The following CACNB2 variants were observed in gnomAD, a reference collection of about 807,000 sequenced individuals.
The protein encoded by CACNB2 is calcium voltage-gated channel auxiliary subunit beta 2, also known as voltage-dependent L-type calcium channel subunit beta-2.
Under a neutral mutation model 73.3 loss-of-function variants are expected in CACNB2, and 42 were observed. That is an observed-to-expected ratio of 0.57 (90% CI 0.45 to 0.74). The LOEUF (loss-of-function observed/expected upper bound fraction) is 0.74. Among genes scored for constraint, CACNB2 ranks in the 30% least tolerant of loss-of-function variants. The pLI is 0.00. For synonymous variants in CACNB2, 348 were observed against 310.3 expected, an observed-to-expected ratio of 1.12 and a Z score of -1.28; for missense variants, 940 against 853.0, an observed-to-expected ratio of 1.10 and a Z score of -1.27.
intron 2 of CACNB2, among the ~76,000 whole-genome samples, chr10:18,337,622 T>G (rs961152117): frequency 2.6e-5 from 4 of 152,174 alleles, no homozygotes; most frequent in African/African-American, 9.7e-5. Context: ...GATCTAGTTT[T>G]GAAAACATAT....
intron 10 of CACNB2, 134 bp downstream of exon 10, chr10:18,527,831 G>T: frequency 4.3e-6 from 3 of 700,802 alleles, no homozygotes. Context: ...AGTCGCTGTT[G>T]CTATGGTCTT....
chr10:18,201,068 C>T (rs1375263687), intron 2 of CACNB2, among the ~76,000 whole-genome samples: 1 of 152,076 alleles, frequency 6.6e-6, no homozygotes, highest in African/African-American at 2.4e-5. Flanking sequence ...CATTTTAATG[C>T]CCCTCTAGGA....
intron 3 of CACNB2, among the ~76,000 whole-genome samples, chr10:18,497,323 C>A (rs1463901749): frequency 1.3e-5 from 2 of 152,032 alleles, no homozygotes; most frequent in African/African-American, 2.4e-5. Flanking sequence ...ACCATTTTCA[C>A]CATTTCTGAG....
intron 2 of CACNB2, chr10:18,151,273 G>GTTTT: frequency 1.5e-5 from 3 of 198,214 alleles, no homozygotes; most frequent in South Asian, 8.9e-5. Flanking sequence ...TGGGGGGATT[G>GTTTT]TTTTTTTTTT....
intron 2 of CACNB2, among the ~76,000 whole-genome samples, chr10:18,365,559 A>C (rs567680002): frequency 6.6e-6 from 1 of 152,236 alleles, no homozygotes; most frequent in Admixed American, 6.5e-5. Context: ...AATTATTTCT[A>C]ATTAAAACAT....
intron 2 of CACNB2, among the ~76,000 whole-genome samples, chr10:18,397,232 C>T (rs928214994): frequency 2.0e-5 from 3 of 152,048 alleles, no homozygotes; most frequent in Admixed American, 1.3e-4. Flanking sequence ...TTTGGGAGGC[C>T]GAGGTGGGCA....
At chr10:18,383,691 C>T (rs1452781729) in intron 2 of CACNB2, among the ~76,000 whole-genome samples, 1 of 151,018 alleles carries the variant, frequency 6.6e-6, no homozygotes, top group Admixed American at 6.6e-5. Context: ...AAGAGGAATA[C>T]AGAGTAGCGA....
chr10:18,408,000 C>T (rs2044389292), intron 3 of CACNB2, among the ~76,000 whole-genome samples: 1 of 151,820 alleles, frequency 6.6e-6, no homozygotes, highest in African/African-American at 2.4e-5. Flanking sequence ...TTTATTATTT[C>T]ATATATTTGA....
At chr10:18,165,443 C>T (rs369476787) in intron 2 of CACNB2, among the ~76,000 whole-genome samples, 2 of 152,236 alleles carry the variant, frequency 1.3e-5, no homozygotes, top group East Asian at 3.9e-4. Context: ...TGCAAAGGCA[C>T]GATCTATCGC....
At chr10:18,325,651 TTCTC>T (rs895878322) in intron 2 of CACNB2, among the ~76,000 whole-genome samples, 19 of 134,034 alleles carry the variant, frequency 1.4e-4, no homozygotes, top group African/African-American at 3.4e-4. Flanking sequence ...CTTTCTTTCC[TTCTC>T]TCTCTCTCTT....
intron 10 of CACNB2, among the ~76,000 whole-genome samples, chr10:18,528,024 G>A (rs2052648336): frequency 6.6e-6 from 1 of 152,078 alleles, no homozygotes; most frequent in Non-Finnish European, 1.5e-5. Context: ...ACCTTTTGAA[G>A]CCTCCATTTC....
At chr10:18,535,579 T>A (rs527405261) in intron 11 of CACNB2, among the ~76,000 whole-genome samples, 55 of 152,184 alleles carry the variant, frequency 3.6e-4, no homozygotes, top group African/African-American at 1.3e-3. Flanking sequence ...GAGACCATCC[T>A]GGCTAACACA....
intron 2 of CACNB2, among the ~76,000 whole-genome samples, chr10:18,289,819 G>GT (rs984640180): frequency 7.2e-5 from 11 of 152,126 alleles, no homozygotes; most frequent in African/African-American, 2.7e-4. Context: ...TCCAAAATAT[G>GT]TTTTTTGAGG....
At position 18,375,284 on chromosome 10, in the gene CACNB2, C is replaced by G. The variant is rs186963886; in HGVS notation, c.214-26640C>G. Among the ~76,000 whole-genome samples the G allele has an allele frequency of 1.6e-3, 238 of 152,230 alleles. 2 individuals carry two copies. Among genetic ancestry groups the G allele is most frequent in the African/African-American group, 5.6e-3 (233 of 41,548 alleles). ...TCTTTTATTTTGTCCTATGACTTCTCCCTCCCAATCCTGCACCAATGCCAT... is the reference window on the plus strand; with the variant it reads ...TCTTTTATTTTGTCCTATGACTTCTGCCTCCCAATCCTGCACCAATGCCAT... On this transcript the variant is annotated intron_variant, in intron 2 of 13. Transcript: ENST00000324631.
intron 2 of CACNB2, among the ~76,000 whole-genome samples, chr10:18,219,794 G>T (rs2035657418): frequency 6.8e-6 from 1 of 147,464 alleles, no homozygotes. Context: ...TTTTGAGACA[G>T]AGTCTCACTC....
In CACNB2 at chr10:18,479,509, A is replaced by C. The variant is rs149972640; in HGVS notation, c.334-18846A>C. Among the ~76,000 whole-genome samples, 86 of 152,212 alleles carry C rather than the reference A, an allele frequency of 5.7e-4. No individual in the cohort carries two copies. The East Asian group carries it at 0.013, about 23-fold the overall frequency. On this transcript the variant is annotated intron_variant, in intron 3 of 13. Transcript: ENST00000324631. Reference sequence around the variant, plus strand: ...CAAATTGTTGAGATTGTCTGCGGAGATAGTACATGATATGGTTTGGCTCTG... The same window carrying C: ...CAAATTGTTGAGATTGTCTGCGGAGCTAGTACATGATATGGTTTGGCTCTG...
At chr10:18,287,859 A>G (rs1287396735) in intron 2 of CACNB2, among the ~76,000 whole-genome samples, 1 of 152,124 alleles carries the variant, frequency 6.6e-6, no homozygotes, top group East Asian at 1.9e-4. Context: ...CAAAAACAAA[A>G]CAAAACAAAA....
intron 2 of CACNB2, among the ~76,000 whole-genome samples, chr10:18,171,238 G>T (rs1449517230): frequency 6.6e-6 from 1 of 152,284 alleles, no homozygotes; most frequent in Middle Eastern, 3.4e-3. Flanking sequence ...CTCCAGCCAA[G>T]AAATGTAGGG....
At chr10:18,339,164 A>G (rs2041135790) in intron 2 of CACNB2, among the ~76,000 whole-genome samples, 1 of 152,016 alleles carries the variant, frequency 6.6e-6, no homozygotes, top group African/African-American at 2.4e-5. Flanking sequence ...AAGCCTGAGT[A>G]CTTGTGCATC....
Sources: allele counts gnomAD v4.1 joint callset (sites outside exome capture counted in the v4.1 genomes callset), GRCh38; gene constraint gnomAD v4.1.1; transcripts MANE v1.5; gene names NCBI Gene and HGNC (gene_info 2026-07-23, HGNC 2026-07-21).